IL7: variants seen among roughly 807,000 people sequenced by gnomAD.
The protein encoded by IL7 is interleukin-7.
A neutral mutation model predicts 21.6 loss-of-function variants in IL7; 3 were observed. That is an observed-to-expected ratio of 0.14 (90% CI 0.06 to 0.36). IL7 has a LOEUF of 0.36. IL7 is among the 10% of genes least tolerant of loss of function. The probability of loss-of-function intolerance (pLI) is 1.00; values close to 1 mark genes in which losing one functional copy is unlikely to be tolerated. For synonymous variants in IL7, 62 were observed against 68.1 expected (o/e 0.91, Z 0.44); for missense variants, 175 against 200.2 (o/e 0.87, Z 0.76).
At chr8:78,798,399 C>A (rs1249671788) in intron 1 of IL7, among the ~76,000 whole-genome samples, 191 bp from the exon 2 acceptor site, 1 of 151,978 alleles carries the variant, frequency 6.6e-6, no homozygotes, top group Non-Finnish European at 1.5e-5. Context: ...TGGAGTATAG[C>A]GTCCTTTCAC....
chr8:78,803,569 T>C (rs893763638), intron 1 of IL7, among the ~76,000 whole-genome samples: 12 of 152,190 alleles, frequency 7.9e-5, no homozygotes, highest in African/African-American at 2.9e-4. Context: ...TTATAGCCCA[T>C]GATTCATATA....
At chr8:78,713,512 GATTTCCTAAAGATTGA>G (rs1190549588), downstream of IL7, among the ~76,000 whole-genome samples, 2 of 151,464 alleles carry the variant, frequency 1.3e-5, no homozygotes, top group Admixed American at 6.6e-5. Flanking sequence ...CTTTGACAAT[GATTTCCTAAAGATTGA>G]ATTTCTAGAA....
At chr8:78,720,257 T>C (rs1360762745) in intron 5 of IL7, among the ~76,000 whole-genome samples, 6 of 151,802 alleles carry the variant, frequency 4.0e-5, no homozygotes, top group South Asian at 2.1e-4. Context: ...AAAACACAGA[T>C]AACAAAGAAT....
intron 2 of IL7, among the ~76,000 whole-genome samples, chr8:78,788,600 T>A (rs1277322996): frequency 6.6e-6 from 1 of 152,164 alleles, no homozygotes; most frequent in Non-Finnish European, 1.5e-5. Flanking sequence ...TGTGCATGAC[T>A]TGTACTTTAT....
intron 3 of IL7, among the ~76,000 whole-genome samples, chr8:78,739,259 T>C (rs966303705): frequency 2.6e-5 from 4 of 152,150 alleles, no homozygotes; most frequent in African/African-American, 9.7e-5. Flanking sequence ...AAGTGTAATA[T>C]TATACCAACT....
chr8:78,678,745 T>C (rs779581216), intron 4 of IL7: 17 of 1,072,212 alleles, frequency 1.6e-5, no homozygotes, highest in Non-Finnish European at 2.1e-5. Context: ...TATTATATTA[T>C]CTGTTACAGT....
In IL7 at chr8:78,748,851, TA is replaced by T. The variant is rs1812069256; in HGVS notation, c.148-8770del. ...AATTTATCTACATAAAGAAAACAGC[TA>T]AAATAGAAAAGAAAGCTAATAATGG... On this transcript the variant is annotated intron_variant, in intron 2 of 5. Transcript: ENST00000263851. Among the ~76,000 whole-genome samples, 3 of 151,862 alleles carry T rather than the reference TA, an allele frequency of 2.0e-5. No individual in the cohort carries two copies. In the South Asian group the frequency reaches 6.2e-4, roughly 32 times the overall value.
chr8:78,718,874 T>C (rs1811183634), intron 6 of IL7: 1 of 151,738 alleles, frequency 6.6e-6, no homozygotes, highest in Non-Finnish European at 1.5e-5. Flanking sequence ...TCCTAGCTTT[T>C]TTTTTTGTTT....
intron 2 of IL7, among the ~76,000 whole-genome samples, chr8:78,768,648 T>A (rs568062832): frequency 6.6e-6 from 1 of 151,714 alleles, no homozygotes; most frequent in South Asian, 2.1e-4. Context: ...TTTGTTTGAG[T>A]TCATTGTAGA....
At chr8:78,754,057 G>A (rs543545771) in intron 2 of IL7, among the ~76,000 whole-genome samples, 5 of 152,268 alleles carry the variant, frequency 3.3e-5, no homozygotes, top group Non-Finnish European at 1.5e-5. Context: ...GGGCAATCAG[G>A]CAAGAGAAAG....
chr8:78,762,380 C>G lies in IL7; in HGVS notation c.148-22298G>C. 3 of 1,612,408 alleles carry G rather than the reference C, an allele frequency of 1.9e-6. No homozygotes were observed. In the Admixed American group the frequency reaches 5.0e-5, roughly 27 times the overall value. ...GAAGCTGAAGAAGGCCAAGTCAAGT[C>G]GGACTGCGTGCTCTTCCGCGTGCAG... On this transcript the variant is annotated intron_variant, in intron 2 of 5. Transcript: ENST00000263851.
At chr8:78,678,151 A>ATC (rs1003147800) in intron 4 of IL7, among the ~76,000 whole-genome samples, 2 of 152,022 alleles carry the variant, frequency 1.3e-5, no homozygotes, top group African/African-American at 4.8e-5. Context: ...TTTTGTGCTG[A>ATC]TCTCCTATCT....
intron 3 of IL7, among the ~76,000 whole-genome samples, chr8:78,706,689 A>G (rs989691056): frequency 3.9e-5 from 6 of 152,026 alleles, no homozygotes; most frequent in Non-Finnish European, 7.4e-5. Context: ...AAGGTGCTGT[A>G]TTTACTCACC....
chr8:78,714,176 AAC>A (rs1330494397), downstream of IL7, among the ~76,000 whole-genome samples: 1 of 152,170 alleles, frequency 6.6e-6, no homozygotes, highest in Non-Finnish European at 1.5e-5. Context: ...TGCTTCAATG[AAC>A]ATCTAAATCC....
At chr8:78,727,089 A>AT (rs1426211019) in intron 3 of IL7, among the ~76,000 whole-genome samples, 31 of 151,982 alleles carry the variant, frequency 2.0e-4, no homozygotes, top group African/African-American at 7.5e-4. Context: ...GTGGGCCTCT[A>AT]TGCCTCTCTT....
chr8:78,775,812 C>T lies in IL7; in HGVS notation c.147+22260G>A, dbSNP rs556258454. ...AACTGGGGGGGCGCTTAGAAGTAAGCGTAAGGATGATACAGGATAGTCAGG... is the reference window on the plus strand; with the variant it reads ...AACTGGGGGGGCGCTTAGAAGTAAGTGTAAGGATGATACAGGATAGTCAGG... On this transcript the variant is annotated intron_variant, in intron 2 of 5. Coordinates refer to ENST00000263851, the MANE Select transcript of IL7 (RefSeq NM_000880.4). Among the ~76,000 whole-genome samples, 9 of 152,068 alleles carry T rather than the reference C, an allele frequency of 5.9e-5. No individual in the cohort carries two copies. In the East Asian group the frequency reaches 1.4e-3, roughly 23 times the overall value.
intron 4 of IL7, among the ~76,000 whole-genome samples, chr8:78,683,942 C>A (rs1273693669): frequency 2.0e-5 from 3 of 152,196 alleles, no homozygotes; most frequent in Admixed American, 1.3e-4. Context: ...CACCTTTGCT[C>A]CATTTCCCAG....
chr8:78,745,280 A>G lies in IL7; in HGVS notation c.148-5198T>C, dbSNP rs187329170. The stretch of plus-strand genomic sequence containing the variant: ...TAATTACATAAAAAATGAATCTTCT[A>G]TTGAACTTTTTCTTTTCGTGTATGT... On this transcript the variant is annotated intron_variant, in intron 2 of 5. Coordinates refer to ENST00000263851, the MANE Select transcript of IL7 (RefSeq NM_000880.4). 4.6e-5 allele frequency among the ~76,000 whole-genome samples: 7 copies of G among 152,314 alleles called. No individual in the cohort carries two copies. In the East Asian group the frequency reaches 7.7e-4, roughly 17 times the overall value.
chr8:78,701,484 AT>A (rs1810601712), intron 3 of IL7, among the ~76,000 whole-genome samples: 1 of 152,110 alleles, frequency 6.6e-6, no homozygotes, highest in African/African-American at 2.4e-5. Flanking sequence ...ATGCCCCTTT[AT>A]TTCTTTCTCT....
Sources: allele counts gnomAD v4.1 joint callset (sites outside exome capture counted in the v4.1 genomes callset), GRCh38; gene constraint gnomAD v4.1.1; transcripts MANE v1.5; gene names NCBI Gene and HGNC (gene_info 2026-07-23, HGNC 2026-07-21).